Variants in PLXNA4 observed in about 807,000 individuals in gnomAD.
The protein encoded by PLXNA4 is plexin A4, also known as plexin-A4.
PLXNA4 carries 44 observed loss-of-function variants against 191.8 expected under a neutral mutation model. That is an observed-to-expected ratio of 0.23 (90% CI 0.18 to 0.29). The LOEUF (loss-of-function observed/expected upper bound fraction) is 0.29, where lower values mean the gene tolerates loss of function less well. Among genes scored for constraint, PLXNA4 ranks in the 10% least tolerant of loss-of-function variants. PLXNA4 has a pLI of 1.00. For synonymous variants in PLXNA4, 1,082 were observed against 1,009.5 expected (o/e 1.07, Z -1.36); for missense variants, 1,800 against 2,488.8 (o/e 0.72, Z 5.89).
At chr7:132,611,787 A>C (rs1803051005) in intron 2 of PLXNA4, among the ~76,000 whole-genome samples, 1 of 152,182 alleles carries the variant, frequency 6.6e-6, no homozygotes, top group Non-Finnish European at 1.5e-5. Context: ...CTTCTCTGTG[A>C]CCTTGATGCT....
At chr7:132,334,951 G>A (rs758908200) in intron 3 of PLXNA4, among the ~76,000 whole-genome samples, 2 of 152,166 alleles carry the variant, frequency 1.3e-5, no homozygotes, top group Non-Finnish European at 2.9e-5. Flanking sequence ...CAGAATGTCA[G>A]CATATCTACA....
chr7:132,253,527 G>A (rs552403801), intron 4 of PLXNA4, among the ~76,000 whole-genome samples: 114 of 152,150 alleles, frequency 7.5e-4, no homozygotes, highest in African/African-American at 2.7e-3. Context: ...TTACAGTCAT[G>A]AGCCACCATG....
At chr7:132,466,573 C>T (rs1228986490) in intron 3 of PLXNA4, among the ~76,000 whole-genome samples, 1 of 152,198 alleles carries the variant, frequency 6.6e-6, no homozygotes, top group African/African-American at 2.4e-5. Flanking sequence ...GGGGAAACCC[C>T]CTTCACGCTG....
At chr7:132,177,623 C>T (rs1359254819) in intron 20 of PLXNA4, among the ~76,000 whole-genome samples, 1 of 152,176 alleles carries the variant, frequency 6.6e-6, no homozygotes, top group Admixed American at 6.5e-5. Context: ...GCTCGGCCCA[C>T]AGGGAGCAGA....
chr7:132,632,134 G>A (rs1257046898), intron 2 of PLXNA4, among the ~76,000 whole-genome samples: 1 of 151,652 alleles, frequency 6.6e-6, no homozygotes, highest in South Asian at 2.1e-4. Flanking sequence ...TACTCAGGAG[G>A]CTGAGGCAGG....
At chr7:132,563,928 T>TTCC (rs1801549376) in intron 1 of PLXNA4, among the ~76,000 whole-genome samples, 1 of 82,654 alleles carries the variant, frequency 1.2e-5, no homozygotes, top group African/African-American at 4.9e-5. Flanking sequence ...TCTCCTCCTT[T>TTCC]TCCTCGTCCT....
Position 132,189,002 on chromosome 7 carries a change from GAGAGAGAGAGAGAGAGAGAGAGAGAGAA to G in PLXNA4, c.2857-1423_2857-1396del, listed in dbSNP as rs1206229669. On this transcript the variant is annotated intron_variant, in intron 14 of 31. Coordinates refer to ENST00000321063, the MANE Select transcript of PLXNA4 (RefSeq NM_020911.2). Reference sequence around the variant, plus strand: ...AGGAAAGGAAAGGAAAGGAGAGAGAGAGAGAGAGAGAGAGAGAGAGAGAGAGAAAGAGAGAGAGAGAGAGAGAGAGAGA... The same window carrying G: ...AGGAAAGGAAAGGAAAGGAGAGAGAGAGAGAGAGAGAGAGAGAGAGAGAGA... Among the ~76,000 whole-genome samples, 159 of 44,952 alleles carry G rather than the reference GAGAGAGAGAGAGAGAGAGAGAGAGAGAA, an allele frequency of 3.5e-3. 4 individuals are homozygous for G. The highest frequency in any genetic ancestry group is 6.4e-3 in the Non-Finnish European group (128 of 19,976). The allele number at this position is 44,952 out of a possible 152,430, so 29.5% of individuals were successfully genotyped here.
chr7:132,206,473 C>T (rs1024115223), intron 10 of PLXNA4, among the ~76,000 whole-genome samples: 11 of 122,360 alleles, frequency 9.0e-5, no homozygotes, highest in Admixed American at 1.9e-4. Context: ...TGTGTGTGTG[C>T]GCATGTGTGC....
chr7:132,617,626 G>T (rs1158920555), intron 2 of PLXNA4, among the ~76,000 whole-genome samples: 2 of 152,100 alleles, frequency 1.3e-5, no homozygotes, highest in African/African-American at 4.8e-5. Context: ...CTACATCACT[G>T]AGGCTTCCTC....
intron 3 of PLXNA4, among the ~76,000 whole-genome samples, chr7:132,418,416 C>T (rs1372176194): frequency 1.3e-5 from 2 of 152,188 alleles, no homozygotes; most frequent in Admixed American, 6.5e-5. Flanking sequence ...CCTTGGCCTC[C>T]CAAAACTTTC....
At chr7:132,195,209 C>T (rs1797218654) in intron 13 of PLXNA4, among the ~76,000 whole-genome samples, 1 of 152,044 alleles carries the variant, frequency 6.6e-6, no homozygotes, top group African/African-American at 2.4e-5. Flanking sequence ...CAAAACATAA[C>T]ATATCCACTG....
chr7:132,450,258 A>G (rs1017124866), intron 3 of PLXNA4, among the ~76,000 whole-genome samples: 1 of 152,186 alleles, frequency 6.6e-6, no homozygotes, highest in African/African-American at 2.4e-5. Context: ...TGTGGATCTC[A>G]GAAGCAACCA....
At chr7:132,212,504 T>G (rs946091848) in intron 9 of PLXNA4, among the ~76,000 whole-genome samples, 1 of 152,188 alleles carries the variant, frequency 6.6e-6, no homozygotes, top group Non-Finnish European at 1.5e-5. Flanking sequence ...TCTGGAACTC[T>G]GAGCACATCA....
At chr7:132,154,037 G>A (rs901611722) in intron 25 of PLXNA4, among the ~76,000 whole-genome samples, 5 of 152,114 alleles carry the variant, frequency 3.3e-5, no homozygotes, top group African/African-American at 9.7e-5. Context: ...CACAGTCCAC[G>A]CAGGACCACC....
intron 4 of PLXNA4, among the ~76,000 whole-genome samples, chr7:132,242,077 A>T (rs990894699): frequency 2.0e-5 from 3 of 152,194 alleles, no homozygotes; most frequent in African/African-American, 7.2e-5. Flanking sequence ...ACTGGATCAA[A>T]CGGAGTTTTT....
intron 3 of PLXNA4, among the ~76,000 whole-genome samples, chr7:132,455,915 T>A (rs1404143999): frequency 1.3e-5 from 2 of 152,120 alleles, no homozygotes. Flanking sequence ...ATGTGGGGCA[T>A]GCAAAGTTGT....
chr7:132,290,394 G>T (rs1425354100), intron 4 of PLXNA4, among the ~76,000 whole-genome samples: 2 of 152,206 alleles, frequency 1.3e-5, no homozygotes, highest in African/African-American at 4.8e-5. Context: ...CCTGGTAGGG[G>T]TCACTCCAGG....
intron 20 of PLXNA4, among the ~76,000 whole-genome samples, chr7:132,177,524 C>T (rs77253071): frequency 0.068 from 10,316 of 152,262 alleles, 659 homozygotes; most frequent in East Asian, 0.23. Context: ...TAGCTCGCCC[C>T]TAAAGTCTGA....
At chr7:132,465,633 T>C (rs1330520673) in intron 3 of PLXNA4, among the ~76,000 whole-genome samples, 1 of 152,174 alleles carries the variant, frequency 6.6e-6, no homozygotes, top group Non-Finnish European at 1.5e-5. Context: ...AATTTTCTGT[T>C]TCTTGGAAAA....
Sources: allele counts gnomAD v4.1 joint callset (sites outside exome capture counted in the v4.1 genomes callset), GRCh38; gene constraint gnomAD v4.1.1; transcripts MANE v1.5; gene names NCBI Gene and HGNC (gene_info 2026-07-23, HGNC 2026-07-21).